The following SYNPO2 variants were observed in gnomAD, a reference collection of about 807,000 sequenced individuals.
SYNPO2 encodes synaptopodin 2, also known as synaptopodin-2.
Under a neutral mutation model 85.0 loss-of-function variants are expected in SYNPO2, and 56 were observed. That is an observed-to-expected ratio of 0.66 (90% CI 0.53 to 0.82). The LOEUF is 0.82. Among genes scored for constraint, SYNPO2 ranks in the 40% least tolerant of loss-of-function variants. The probability of loss-of-function intolerance (pLI) is 0.00; values close to 1 mark genes in which losing one functional copy is unlikely to be tolerated. For synonymous variants in SYNPO2, 602 were observed against 591.1 expected (o/e 1.02, Z -0.27); for missense variants, 1,575 against 1,534.2 (o/e 1.03, Z -0.44).
intron 1 of SYNPO2, among the ~76,000 whole-genome samples, chr4:118,942,629 T>C (rs1245980407): frequency 6.6e-6 from 1 of 152,176 alleles, no homozygotes; most frequent in Non-Finnish European, 1.5e-5. Context: ...ATGACTCATC[T>C]CTACATCCCT....
intron 4 of SYNPO2, chr4:119,033,166 C>T (rs929586921): frequency 6.1e-6 from 6 of 985,336 alleles, no homozygotes; most frequent in South Asian, 4.7e-5. Context: ...TTGTGAAGCA[C>T]GAGGAACCCC....
In SYNPO2 at chr4:118,990,905, C is replaced by T. The variant is rs189337368; in HGVS notation, c.106-32525C>T. Among the ~76,000 whole-genome samples the T allele has an allele frequency of 3.4e-3, 521 of 152,146 alleles. 1 individual carries two copies. The highest frequency in any genetic ancestry group is 5.9e-3 in the Non-Finnish European group (403 of 67,974). On this transcript the variant is annotated intron_variant, in intron 1 of 4. Coordinates refer to ENST00000307142, the MANE Select transcript of SYNPO2 (RefSeq NM_133477.3). The stretch of plus-strand genomic sequence containing the variant: ...GATTACAGGTGTGAGCCACCATGCC[C>T]GGCCTAAGCTGGATAATTGTAACCC...
At chr4:118,937,826 T>G (rs1373988844) in intron 1 of SYNPO2, among the ~76,000 whole-genome samples, 1 of 152,188 alleles carries the variant, frequency 6.6e-6, no homozygotes, top group Non-Finnish European at 1.5e-5. Context: ...GGAAGATTGG[T>G]TCCAGGACCC....
At chr4:119,053,073 T>C (rs147048128) in intron 4 of SYNPO2, among the ~76,000 whole-genome samples, 2 of 152,220 alleles carry the variant, frequency 1.3e-5, no homozygotes, top group Non-Finnish European at 2.9e-5. Flanking sequence ...ACATTCAAAC[T>C]CCAAAACAAA....
intron 4 of SYNPO2, among the ~76,000 whole-genome samples, chr4:119,039,244 CTT>C (rs1738632262): frequency 1.3e-5 from 2 of 152,184 alleles, no homozygotes; most frequent in South Asian, 4.2e-4. Context: ...ACTTAAGGAA[CTT>C]GTGTAACATG....
At chr4:119,037,117 A>G (rs1252959117) in intron 4 of SYNPO2, 1 of 1,538,404 alleles carries the variant, frequency 6.5e-7, no homozygotes, top group South Asian at 1.2e-5. Flanking sequence ...GACAGGTGAA[A>G]TGTAAATCTG....
chr4:118,867,069 C>T (rs1192089721), intron 1 of SYNPO2, among the ~76,000 whole-genome samples: 4 of 151,936 alleles, frequency 2.6e-5, no homozygotes, highest in East Asian at 3.9e-4. Flanking sequence ...TTTGAAATAA[C>T]GTTTTATTGC....
intron 1 of SYNPO2, among the ~76,000 whole-genome samples, chr4:118,951,120 C>G (rs1388947875): frequency 6.6e-6 from 1 of 152,172 alleles, no homozygotes; most frequent in Non-Finnish European, 1.5e-5. Flanking sequence ...TCTATACAGA[C>G]AGTGTGTAAC....
intron 1 of SYNPO2, among the ~76,000 whole-genome samples, chr4:118,914,701 T>C (rs1338136880): frequency 6.6e-6 from 1 of 151,966 alleles, no homozygotes; most frequent in Non-Finnish European, 1.5e-5. Flanking sequence ...GTCTAGATAA[T>C]TATATTTAAA....
intron 1 of SYNPO2, among the ~76,000 whole-genome samples, chr4:118,891,624 C>T (rs1014042144): frequency 6.6e-6 from 1 of 152,136 alleles, no homozygotes; most frequent in Non-Finnish European, 1.5e-5. Context: ...AATATTAAGT[C>T]AATTCAATTC....
At chr4:118,908,272 T>C (rs891739706) in intron 1 of SYNPO2, among the ~76,000 whole-genome samples, 3 of 152,166 alleles carry the variant, frequency 2.0e-5, no homozygotes, top group African/African-American at 7.2e-5. Context: ...GAAGGCTGTT[T>C]TACACATAAA....
chr4:119,045,375 C>T (rs1037760), intron 4 of SYNPO2, among the ~76,000 whole-genome samples: 148,686 of 152,250 alleles, frequency 0.98, 72,699 homozygotes, highest in East Asian at 1. Flanking sequence ...GTCTTGAGCC[C>T]GGGAGGTTAA....
chr4:118,933,025 C>T (rs1342323522), intron 1 of SYNPO2, among the ~76,000 whole-genome samples: 1 of 151,702 alleles, frequency 6.6e-6, no homozygotes, highest in African/African-American at 2.4e-5. Flanking sequence ...AAGAAAAAGG[C>T]CATAAAAATA....
chr4:118,949,786 A>G (rs1734636576), intron 1 of SYNPO2, among the ~76,000 whole-genome samples: 1 of 151,630 alleles, frequency 6.6e-6, no homozygotes, highest in Non-Finnish European at 1.5e-5. Context: ...GAAATATTCT[A>G]TTACATGTCA....
intron 1 of SYNPO2, among the ~76,000 whole-genome samples, chr4:119,020,587 G>A (rs866359582): frequency 1.3e-5 from 2 of 152,080 alleles, no homozygotes; most frequent in South Asian, 2.1e-4. Flanking sequence ...TTGGGTCTTG[G>A]GGGGCACAGA....
At chr4:118,934,307 C>A (rs1734028559) in intron 1 of SYNPO2, among the ~76,000 whole-genome samples, 1 of 152,124 alleles carries the variant, frequency 6.6e-6, no homozygotes, top group Non-Finnish European at 1.5e-5. Flanking sequence ...GTGATCAGGT[C>A]CAGGTCTTTC....
chr4:118,988,095 T>C (rs535061595), intron 1 of SYNPO2, among the ~76,000 whole-genome samples: 77 of 152,220 alleles, frequency 5.1e-4, no homozygotes, highest in Non-Finnish European at 9.3e-4. Context: ...ACTGCCTCAA[T>C]TTTCACACTT....
At chr4:118,968,180 A>G (rs557331615) in intron 1 of SYNPO2, among the ~76,000 whole-genome samples, 1 of 152,314 alleles carries the variant, frequency 6.6e-6, no homozygotes, top group South Asian at 2.1e-4. Flanking sequence ...GTTAGTGAAA[A>G]TGAAAGCAAG....
rs982313361 is a variant in SYNPO2 at position 118,904,777 on chromosome 4, T to C, written c.105+15636T>C. Among the ~76,000 whole-genome samples the C allele has an allele frequency of 5.3e-5, 8 of 152,364 alleles. No individual in the cohort carries two copies. In the South Asian group the frequency reaches 1.2e-3, roughly 24 times the overall value. On this transcript the variant is annotated intron_variant, in intron 1 of 4. Transcript: ENST00000307142. ...GGTGAGTTATTTTCATCAGTCGAGA[T>C]CAAGCTAAAATGAAAAACAAAATCT... is the stretch of plus-strand genomic sequence containing the variant.
Sources: allele counts gnomAD v4.1 joint callset (sites outside exome capture counted in the v4.1 genomes callset), GRCh38; gene constraint gnomAD v4.1.1; transcripts MANE v1.5; gene names NCBI Gene and HGNC (gene_info 2026-07-23, HGNC 2026-07-21).